GRM8: variants seen among roughly 807,000 people sequenced by gnomAD.
GRM8 encodes metabotropic glutamate receptor 8.
In GRM8, 47 loss-of-function variants were observed where a neutral mutation model predicts 87.2. That is an observed-to-expected ratio of 0.54 (90% CI 0.43 to 0.69). The LOEUF is 0.69. GRM8 is among the 30% of genes least tolerant of loss of function. GRM8 has a pLI of 0.00. For synonymous variants in GRM8, 396 were observed against 404.5 expected, an observed-to-expected ratio of 0.98 and a Z score of 0.25; for missense variants, 1,019 against 1,139.2, an observed-to-expected ratio of 0.89 and a Z score of 1.52.
chr7:126,642,697 A>G (rs1466949019), intron 7 of GRM8, among the ~76,000 whole-genome samples: 1 of 152,094 alleles, frequency 6.6e-6, no homozygotes, highest in Non-Finnish European at 1.5e-5. Context: ...CATTCAAGCA[A>G]AGGGTTGTTA....
intron 3 of GRM8, among the ~76,000 whole-genome samples, chr7:126,912,956 T>C (rs1395990884): frequency 2.0e-5 from 3 of 152,184 alleles, no homozygotes; most frequent in Non-Finnish European, 4.4e-5. Flanking sequence ...CCTGCACAAG[T>C]AGGAGAAATA....
chr7:126,740,329 A>G (rs1297588717), intron 7 of GRM8, among the ~76,000 whole-genome samples: 1 of 152,066 alleles, frequency 6.6e-6, no homozygotes, highest in African/African-American at 2.4e-5. Context: ...ATATGGGGCA[A>G]TTTTTTATTC....
intron 6 of GRM8, among the ~76,000 whole-genome samples, chr7:126,801,145 T>C (rs1244195513): frequency 2.0e-5 from 3 of 152,158 alleles, no homozygotes; most frequent in Admixed American, 6.6e-5. Flanking sequence ...ATCAAAGCCA[T>C]GCTATAACAC....
chr7:126,840,829 CA>C (rs1185755146), intron 6 of GRM8, among the ~76,000 whole-genome samples: 1 of 152,180 alleles, frequency 6.6e-6, no homozygotes, highest in Non-Finnish European at 1.5e-5. Context: ...TTTCATGTCA[CA>C]AAAGAGGTTA....
chr7:127,235,407 A>G (rs548124549), intron 2 of GRM8, among the ~76,000 whole-genome samples: 2 of 152,378 alleles, frequency 1.3e-5, no homozygotes, highest in Non-Finnish European at 1.5e-5. Flanking sequence ...CCTGTCTTAC[A>G]GCAAGATGCT....
chr7:127,221,333 C>G (rs557189719), intron 2 of GRM8, among the ~76,000 whole-genome samples: 2 of 152,180 alleles, frequency 1.3e-5, no homozygotes, highest in Non-Finnish European at 2.9e-5. Context: ...GGGCTGTAGA[C>G]CCCGTTGAGC....
chr7:126,485,652 G>T (rs752982142), intron 9 of GRM8, among the ~76,000 whole-genome samples: 1 of 151,946 alleles, frequency 6.6e-6, no homozygotes, highest in Non-Finnish European at 1.5e-5. Context: ...AGACAAAACT[G>T]AAGACTAAAA....
At chr7:126,827,597 G>C (rs1248708637) in intron 6 of GRM8, among the ~76,000 whole-genome samples, 1 of 152,152 alleles carries the variant, frequency 6.6e-6, no homozygotes, top group African/African-American at 2.4e-5. Context: ...TTGCTTATCA[G>C]CTTAAGGAGA....
At chr7:126,533,987 A>G in intron 8 of GRM8, 100 bp from the exon 9 acceptor site, 6 of 834,678 alleles carry the variant, frequency 7.2e-6, no homozygotes, top group Non-Finnish European at 7.5e-6. Flanking sequence ...TGCTGACAGT[A>G]CAAATACAGT....
intron 10 of GRM8, among the ~76,000 whole-genome samples, chr7:126,442,809 C>G (rs781601528): frequency 6.6e-6 from 1 of 151,866 alleles, no homozygotes; most frequent in Non-Finnish European, 1.5e-5. Flanking sequence ...ATTGAGAAAA[C>G]AATTCACAAA....
chr7:126,789,055 A>G (rs1820986954), intron 6 of GRM8, among the ~76,000 whole-genome samples: 1 of 152,238 alleles, frequency 6.6e-6, no homozygotes, highest in Non-Finnish European at 1.5e-5. Flanking sequence ...AAATGACTAT[A>G]GACAGGAAAG....
chr7:126,845,053 C>A (rs1029639427), intron 6 of GRM8, among the ~76,000 whole-genome samples: 1 of 152,188 alleles, frequency 6.6e-6, no homozygotes, highest in Admixed American at 6.5e-5. Context: ...CCTTACCTTG[C>A]CCCTCTTGCC....
chr7:126,998,668 C>T (rs1223532691), intron 3 of GRM8, among the ~76,000 whole-genome samples: 1 of 151,072 alleles, frequency 6.6e-6, no homozygotes, highest in Admixed American at 6.6e-5. Flanking sequence ...TTTAATATAG[C>T]TACAAATAAA....
At position 126,826,885 on chromosome 7, in the gene GRM8, T is replaced by A. The variant is rs1278115973; in HGVS notation, c.1157-56820A>T. Among the ~76,000 whole-genome samples, 3 of 152,204 alleles carry A rather than the reference T, an allele frequency of 2.0e-5. No individual in the cohort carries two copies. In the East Asian group the frequency reaches 5.8e-4, roughly 29 times the overall value. ...TAATTTTTGTATTAATTGAATTAATTTTTGCATAAGGTGTAAGGAAGGGAT... is the reference window on the plus strand; with the variant it reads ...TAATTTTTGTATTAATTGAATTAATATTTGCATAAGGTGTAAGGAAGGGAT... On this transcript the variant is annotated intron_variant, in intron 6 of 10. Coordinates refer to ENST00000339582, the MANE Select transcript of GRM8 (RefSeq NM_000845.3).
chr7:126,568,145 G>C (rs1010367259), intron 8 of GRM8, among the ~76,000 whole-genome samples: 6 of 152,080 alleles, frequency 3.9e-5, no homozygotes, highest in African/African-American at 1.4e-4. Context: ...GGGGCTCAAA[G>C]TTGGAAAGAA....
chr7:127,018,906 C>T (rs1234415419), intron 3 of GRM8, among the ~76,000 whole-genome samples: 1 of 151,954 alleles, frequency 6.6e-6, no homozygotes, highest in Non-Finnish European at 1.5e-5. Context: ...TGCATCAGTT[C>T]CAGACTGTCT....
chr7:127,043,588 G>A (rs1181715139), intron 3 of GRM8, among the ~76,000 whole-genome samples: 2 of 152,092 alleles, frequency 1.3e-5, no homozygotes, highest in African/African-American at 4.8e-5. Flanking sequence ...ATTCAGGAAG[G>A]GGAACATCAC....
chr7:126,900,656 C>T (rs1363561410), intron 6 of GRM8, among the ~76,000 whole-genome samples: 1 of 58,652 alleles, frequency 1.7e-5, no homozygotes. Context: ...ACTACAGGCG[C>T]CCGCCACACG....
intron 7 of GRM8, among the ~76,000 whole-genome samples, chr7:126,714,859 A>C (rs1317766134): frequency 6.6e-6 from 1 of 152,162 alleles, no homozygotes; most frequent in Non-Finnish European, 1.5e-5. Flanking sequence ...CTATTCTTAC[A>C]ATAAAGTAAG....
Sources: allele counts gnomAD v4.1 joint callset (sites outside exome capture counted in the v4.1 genomes callset), GRCh38; gene constraint gnomAD v4.1.1; transcripts MANE v1.5; gene names NCBI Gene and HGNC (gene_info 2026-07-23, HGNC 2026-07-21).